NIPSNAP3B: variants seen among roughly 807,000 people sequenced by gnomAD.
NIPSNAP3B encodes nipsnap homolog 3B, also known as protein NipSnap homolog 3B.
A neutral mutation model predicts 31.5 loss-of-function variants in NIPSNAP3B; 30 were observed. That is an observed-to-expected ratio of 0.95 (90% CI 0.71 to 1.29). The LOEUF (loss-of-function observed/expected upper bound fraction) is 1.29, where lower values mean the gene tolerates loss of function less well. NIPSNAP3B is among the 50% of genes most tolerant of loss of function. The probability of loss-of-function intolerance (pLI) is 0.00; values close to 1 mark genes in which losing one functional copy is unlikely to be tolerated. For missense variants in NIPSNAP3B, 269 were observed against 300.7 expected (o/e 0.89, Z 0.78); for synonymous variants, 106 against 107.9 (o/e 0.98, Z 0.11).
At chr9:104,788,460 A>G in the NIPSNAP3B span, 1 of 1,614,208 alleles carries the variant, frequency 6.2e-7, no homozygotes. Context: ...TCCTCTCAAA[A>G]GGGCAAAGAA....
rs1828324033 is a variant in NIPSNAP3B at position 104,775,824 on chromosome 9, A to G, written c.*2751A>G. Among the ~76,000 whole-genome samples, 1 of 152,032 alleles carries G rather than the reference A, an allele frequency of 6.6e-6. No individual in the cohort carries two copies. The highest frequency in any genetic ancestry group is 2.1e-4 in the South Asian group (1 of 4,816). On this transcript the variant is annotated 3_prime_UTR_variant, in exon 6 of 6. Transcript: ENST00000374762. The stretch of plus-strand genomic sequence containing the variant: ...CCACAGACTTCAGAGTCATTCTCAC[A>G]CTGCCTTTTCTCTCATACACCATTA...
At chr9:104,767,768 T>C (rs1828119288) in intron 2 of NIPSNAP3B, among the ~76,000 whole-genome samples, 1 of 152,160 alleles carries the variant, frequency 6.6e-6, no homozygotes, top group Admixed American at 6.5e-5. Flanking sequence ...GCTCGTAAAG[T>C]CTTTACAATT....
chr9:104,768,007 C>T (rs368836127), intron 2 of NIPSNAP3B, among the ~76,000 whole-genome samples: 15 of 152,246 alleles, frequency 9.9e-5, no homozygotes, highest in African/African-American at 3.6e-4. Flanking sequence ...CTTCCATATA[C>T]TTTAAAGCAT....
At chr9:104,790,887 C>T in the NIPSNAP3B span, 1 of 1,402,458 alleles carries the variant, frequency 7.1e-7, no homozygotes, top group Non-Finnish European at 1.0e-6. Context: ...AAAACAAAGT[C>T]TTTGCAGCAA....
rs1484880149 is a variant in NIPSNAP3B, at chr9:104,777,378, C to T, written c.*4305C>T. The T allele has an allele frequency of 6.6e-6, 1 of 152,234 alleles. No homozygotes were observed. Among genetic ancestry groups the T allele is most frequent in the Non-Finnish European group, 1.5e-5 (1 of 68,046 alleles). 9.4% of individuals were successfully genotyped at this position (152,234 alleles called of 1,614,324 possible). A position where few individuals can be genotyped will look rare whatever the true frequency, so the allele number is the denominator to read the frequency against. On this transcript the variant is annotated 3_prime_UTR_variant, in exon 6 of 6. Transcript: ENST00000374762. Reference sequence around the variant, plus strand: ...TTAGGTTCATTAGAGACACCTCTTTCATAACTGCTGTCACCTAGAATGTCT... The same window carrying T: ...TTAGGTTCATTAGAGACACCTCTTTTATAACTGCTGTCACCTAGAATGTCT...
the NIPSNAP3B span, chr9:104,786,303 T>G: frequency 1.2e-6 from 2 of 1,613,422 alleles, no homozygotes; most frequent in Non-Finnish European, 1.7e-6. Flanking sequence ...ATTACCTATT[T>G]TTTAGATGCT....
rs555138221 is a variant in NIPSNAP3B at position 104,766,414 on chromosome 9, T to C, written c.150T>C (p.Asn50=). The C allele has an allele frequency of 1.9e-6, 3 of 1,613,790 alleles. No individual in the cohort carries two copies. The highest frequency in any genetic ancestry group is 4.5e-5 in the East Asian group (2 of 44,840). The part of the protein sequence containing the change: ...RTYYLKPSNM[N]AFMENLKKNI... The stretch of plus-strand genomic sequence containing the variant: ...ATTACCTTAAACCTTCAAATATGAA[T>C]GCGTTCATGGAAAATCTTAAGAAAA... The change falls in exon 2 of 6, where the codon AAT becomes AAC. Residue 50 remains asparagine, a synonymous_variant. Coordinates refer to ENST00000374762, the MANE Select transcript of NIPSNAP3B (RefSeq NM_018376.4).
At chr9:104,780,890 T>TCA (rs540156734), downstream of NIPSNAP3B, 77 of 152,692 alleles carry the variant, frequency 5.0e-4, no homozygotes, top group East Asian at 3.3e-3. Flanking sequence ...TAAGGGAACA[T>TCA]TTGAATCTTT....
At chr9:104,769,565 T>C (rs1290801397) in intron 3 of NIPSNAP3B, among the ~76,000 whole-genome samples, 1 of 152,208 alleles carries the variant, frequency 6.6e-6, no homozygotes. Context: ...TGAAGTATTT[T>C]TCCATATTGA....
Position 104,777,263 on chromosome 9 carries a change from A to G in NIPSNAP3B, c.*4190A>G, listed in dbSNP as rs948607329. ...GCACCATCTCTTAACCTACTGAGTA[A>G]ATCCTATGAACCTGACTAGGGTGGC... On this transcript the variant is annotated 3_prime_UTR_variant, in exon 6 of 6. Transcript: ENST00000374762. 2.0e-5 allele frequency: 3 copies of G among 152,220 alleles called. No individual in the cohort carries two copies. Among genetic ancestry groups the G allele is most frequent in the Non-Finnish European group, 2.9e-5 (2 of 68,048 alleles). The allele number at this position is 152,220 out of a possible 1,614,324, so 9.4% of individuals were successfully genotyped here.
the NIPSNAP3B span, among the ~76,000 whole-genome samples, chr9:104,789,866 G>C: frequency 6.6e-6 from 1 of 152,192 alleles, no homozygotes; most frequent in African/African-American, 2.4e-5. Context: ...GGCTGAGGCA[G>C]GTGGATCACC....
rs1396136961 is a variant in NIPSNAP3B at position 104,776,719 on chromosome 9, A to ATCTG, written c.*3647_*3648insCTGT. On this transcript the variant is annotated 3_prime_UTR_variant, in exon 6 of 6. Transcript: ENST00000374762. ...GCTTTCTTTTTCTGTTATCACCATA[A>ATCTG]TTAATGTTTTACTTATATATGATTT... Among the ~76,000 whole-genome samples the ATCTG allele has an allele frequency of 6.6e-6, 1 of 152,202 alleles. No individual in the cohort carries two copies. The highest frequency in any genetic ancestry group is 2.4e-5 in the African/African-American group (1 of 41,450).
chr9:104,783,366 T>G, the NIPSNAP3B span: 1 of 152,238 alleles, frequency 6.6e-6, no homozygotes, highest in Non-Finnish European at 1.5e-5. Flanking sequence ...TTGTGTCAGA[T>G]AAACATCTTG....
At chr9:104,764,375 G>A in intron 1 of NIPSNAP3B, 75 bp downstream of exon 1, 2 of 1,302,240 alleles carry the variant, frequency 1.5e-6, no homozygotes, top group South Asian at 1.4e-5. Context: ...TGAAGCGTGC[G>A]AGCCACGCTC....
At chr9:104,781,126 T>G (rs1358165497), downstream of NIPSNAP3B, 1 of 152,636 alleles carries the variant, frequency 6.6e-6, no homozygotes, top group African/African-American at 2.4e-5. Flanking sequence ...CTTTTTTCCT[T>G]TTAATGAAAA....
chr9:104,769,398 G>A (rs1828161303), intron 3 of NIPSNAP3B, among the ~76,000 whole-genome samples: 1 of 143,808 alleles, frequency 7.0e-6, no homozygotes. Context: ...AGCTTCCAGT[G>A]AGCCGAGATC....
the NIPSNAP3B span, among the ~76,000 whole-genome samples, chr9:104,788,868 C>T: frequency 6.6e-6 from 1 of 152,208 alleles, no homozygotes; most frequent in Non-Finnish European, 1.5e-5. Context: ...TCTTTACCAA[C>T]AATCTCAGTC....
At chr9:104,790,704 G>A in the NIPSNAP3B span, among the ~76,000 whole-genome samples, 18 of 152,108 alleles carry the variant, frequency 1.2e-4, no homozygotes, top group Non-Finnish European at 2.1e-4. Context: ...GAATAAAGCT[G>A]TTAAAAGAAG....
chr9:104,766,620 A>G (rs1365117670), intron 2 of NIPSNAP3B, 85 bp downstream of exon 2: 1 of 1,286,352 alleles, frequency 7.8e-7, no homozygotes, highest in Non-Finnish European at 1.1e-6. Flanking sequence ...GATCTATATT[A>G]CCATAGATAC....
Sources: gnomAD v4.1 joint callset for allele counts (sites outside exome capture counted in the v4.1 genomes callset) on GRCh38, gnomAD v4.1.1 for gene constraint, MANE v1.5 for transcripts, NCBI Gene and HGNC (gene_info 2026-07-23, HGNC 2026-07-21) for gene names.